The following DOK5 variants were observed in gnomAD, a reference collection of about 807,000 sequenced individuals.
The protein encoded by DOK5 is docking protein 5, also known as downstream of tyrosine kinase 5.
A neutral mutation model predicts 43.3 loss-of-function variants in DOK5; 27 were observed. The ratio of observed to expected loss-of-function variants is 0.62; its 90% CI spans 0.46 to 0.86. The LOEUF (loss-of-function observed/expected upper bound fraction) is 0.86, where lower values mean the gene tolerates loss of function less well. DOK5 is among the 40% of genes least tolerant of loss of function. The probability of loss-of-function intolerance (pLI) is 0.00; values close to 1 mark genes in which losing one functional copy is unlikely to be tolerated. For missense variants in DOK5, 373 were observed against 392.9 expected (o/e 0.95, Z 0.43); for synonymous variants, 146 against 140.1 (o/e 1.04, Z -0.30).
At chr20:54,508,131 G>A (rs1183871407) in intron 1 of DOK5, among the ~76,000 whole-genome samples, 3 of 152,064 alleles carry the variant, frequency 2.0e-5, no homozygotes, top group African/African-American at 7.2e-5. Flanking sequence ...GGTTTTCAGA[G>A]TCAGGGGGTG....
intron 1 of DOK5, among the ~76,000 whole-genome samples, chr20:54,479,914 C>T (rs550682338): frequency 3.8e-4 from 58 of 152,156 alleles, no homozygotes; most frequent in African/African-American, 1.3e-3. Context: ...ACAGGCAATC[C>T]ATCAGGAGAT....
intron 1 of DOK5, among the ~76,000 whole-genome samples, chr20:54,485,868 A>G (rs567941985): frequency 6.6e-6 from 1 of 152,248 alleles, no homozygotes; most frequent in Admixed American, 6.5e-5. Flanking sequence ...GTGTCGTGGT[A>G]TCTTATTGTG....
At chr20:54,476,040 G>A in intron 1 of DOK5, 28 bp downstream of exon 1, 1 of 1,610,764 alleles carries the variant, frequency 6.2e-7, no homozygotes, top group Non-Finnish European at 8.5e-7. Context: ...CCGTGTTGCT[G>A]TTCGCCGGTT....
At chr20:54,623,724 C>T (rs1054080210) in intron 6 of DOK5, among the ~76,000 whole-genome samples, 6 of 152,036 alleles carry the variant, frequency 3.9e-5, no homozygotes, top group African/African-American at 9.7e-5. Flanking sequence ...GGACTACAGG[C>T]GCCCACCACC....
chr20:54,477,443 C>T (rs185471365), intron 1 of DOK5, among the ~76,000 whole-genome samples: 2 of 152,228 alleles, frequency 1.3e-5, no homozygotes, highest in African/African-American at 4.8e-5. Flanking sequence ...AGAAATGTAA[C>T]AGAATTCACC....
At chr20:54,645,678 A>T (rs2146834004) in intron 7 of DOK5, among the ~76,000 whole-genome samples, 1 of 151,856 alleles carries the variant, frequency 6.6e-6, no homozygotes, top group African/African-American at 2.4e-5. Context: ...GCCGGTTTTC[A>T]TTTCATATTT....
At chr20:54,602,998 C>T (rs774686427) in intron 5 of DOK5, among the ~76,000 whole-genome samples, 1 of 152,152 alleles carries the variant, frequency 6.6e-6, no homozygotes, top group African/African-American at 2.4e-5. Context: ...AGTCTGCTTT[C>T]AATTTATAAC....
At chr20:54,556,525 T>C (rs1028878487) in intron 2 of DOK5, among the ~76,000 whole-genome samples, 1 of 152,222 alleles carries the variant, frequency 6.6e-6, no homozygotes, top group Non-Finnish European at 1.5e-5. Flanking sequence ...GAACCAGATG[T>C]ATTATGGCCC....
chr20:54,499,496 C>T (rs1299322543), intron 1 of DOK5, among the ~76,000 whole-genome samples: 1 of 152,194 alleles, frequency 6.6e-6, no homozygotes, highest in African/African-American at 2.4e-5. Flanking sequence ...GTGGGTGAAT[C>T]AGGCATCACC....
At chr20:54,603,973 G>A (rs1472015013) in intron 5 of DOK5, among the ~76,000 whole-genome samples, 2 of 134,058 alleles carry the variant, frequency 1.5e-5, no homozygotes, top group African/African-American at 5.9e-5. Context: ...TTGAGACGGA[G>A]TCTTGCTCTG....
intron 7 of DOK5, among the ~76,000 whole-genome samples, chr20:54,650,199 G>A (rs956826250): frequency 6.6e-6 from 1 of 152,288 alleles, no homozygotes; most frequent in Admixed American, 6.5e-5. Flanking sequence ...AATTGCTAAT[G>A]GACTGACCAT....
intron 2 of DOK5, among the ~76,000 whole-genome samples, chr20:54,561,938 C>T (rs974607802): frequency 9.9e-5 from 15 of 152,102 alleles, no homozygotes; most frequent in Non-Finnish European, 1.6e-4. Flanking sequence ...ATTACAGGCG[C>T]GAGCCACTGC....
chr20:54,508,761 G>C (rs965993377), intron 1 of DOK5, among the ~76,000 whole-genome samples: 6 of 151,854 alleles, frequency 4.0e-5, no homozygotes, highest in Admixed American at 1.3e-4. Context: ...TGTATTTTTA[G>C]TAGAGACGGG....
chr20:54,586,143 A>G (rs926717640), intron 2 of DOK5, among the ~76,000 whole-genome samples: 1 of 152,206 alleles, frequency 6.6e-6, no homozygotes, highest in Non-Finnish European at 1.5e-5. Context: ...GTTATGTGGC[A>G]TATGTGTGGG....
At chr20:54,592,227 G>T (rs1160398013) in intron 5 of DOK5, among the ~76,000 whole-genome samples, 1 of 152,070 alleles carries the variant, frequency 6.6e-6, no homozygotes, top group East Asian at 1.9e-4. Flanking sequence ...TAATATGAGG[G>T]CCCATGGAGT....
At chr20:54,538,407 T>C (rs909962337) in intron 1 of DOK5, among the ~76,000 whole-genome samples, 1 of 152,060 alleles carries the variant, frequency 6.6e-6, no homozygotes, top group African/African-American at 2.4e-5. Flanking sequence ...ATCAAGACAC[T>C]GTCAGATGAA....
chr20:54,610,275 A>G, intron 5 of DOK5, 113 bp from the exon 6 acceptor site: 1 of 1,127,464 alleles, frequency 8.9e-7, no homozygotes. Context: ...ACAAATGTGA[A>G]CAAGAATAAA....
chr20:54,643,782 T>G (rs1454103850), intron 7 of DOK5, among the ~76,000 whole-genome samples: 1 of 152,186 alleles, frequency 6.6e-6, no homozygotes, highest in Non-Finnish European at 1.5e-5. Context: ...TTTGTATCTA[T>G]CACAGTGTCC....
chr20:54,490,217 A>C (rs1982110655), intron 1 of DOK5, among the ~76,000 whole-genome samples: 1 of 152,232 alleles, frequency 6.6e-6, no homozygotes, highest in Non-Finnish European at 1.5e-5. Context: ...GGCTCAATGG[A>C]AATCTTTTAC....
Sources: allele counts gnomAD v4.1 joint callset (sites outside exome capture counted in the v4.1 genomes callset), GRCh38; gene constraint gnomAD v4.1.1; transcripts MANE v1.5; gene names NCBI Gene and HGNC (gene_info 2026-07-23, HGNC 2026-07-21).